Variants in WRAP53 observed in about 807,000 individuals in gnomAD.
WRAP53 encodes the protein WD repeat containing antisense to TP53, also known as telomerase Cajal body protein 1.
WRAP53 carries 28 observed loss-of-function variants against 56.6 expected under a neutral mutation model. The ratio of observed to expected loss-of-function variants is 0.50; its 90% CI spans 0.37 to 0.68. The LOEUF is 0.68. Among genes scored for constraint, WRAP53 ranks in the 30% least tolerant of loss-of-function variants. WRAP53 has a pLI of 0.00. For missense variants in WRAP53, 671 were observed against 715.5 expected (o/e 0.94, Z 0.71); for synonymous variants, 283 against 283.4 (o/e 1.00, Z 0.01).
intron 5 of WRAP53, 149 bp downstream of exon 5, chr17:7,700,978 CTTT>C (rs771498263): frequency 1.1e-4 from 61 of 554,650 alleles, no homozygotes; most frequent in East Asian, 1.7e-4. Flanking sequence ...CCTCCCCTTC[CTTT>C]TTTTTTTTTT....
chr17:7,691,219 A>T (rs2074103333), intron 4 of WRAP53, among the ~76,000 whole-genome samples: 1 of 113,690 alleles, frequency 8.8e-6, no homozygotes, highest in African/African-American at 7.8e-5. Context: ...AAAACAAACA[A>T]ACAAACAAAC....
Position 7,700,887 on chromosome 17 carries a change from CTT to C in WRAP53, c.731+59_731+60del. 3 of 1,320,616 alleles carry C rather than the reference CTT, an allele frequency of 2.3e-6. No homozygotes were observed. The East Asian group carries it at 6.9e-5, about 31-fold the overall frequency. 81.8% of individuals were successfully genotyped at this position (1,320,616 alleles called of 1,614,324 possible). A position where few individuals can be genotyped will look rare whatever the true frequency, so the allele number is the denominator to read the frequency against. ...CACCACCCAGTTTCAAGCAGGGCCT[CTT>C]GGGAGAGTCAAGGGCTGCCAGGGGT... On this transcript the variant is annotated intron_variant, in intron 5 of 10. Transcript: ENST00000396463.
intron 4 of WRAP53, among the ~76,000 whole-genome samples, chr17:7,695,850 C>T (rs1456003422): frequency 6.6e-6 from 1 of 152,218 alleles, no homozygotes; most frequent in African/African-American, 2.4e-5. Context: ...CCCACTGCCT[C>T]TACTTTAATT....
chr17:7,689,412 C>T, intron 3 of WRAP53, 90 bp downstream of exon 3: 4 of 1,415,282 alleles, frequency 2.8e-6, no homozygotes, highest in Non-Finnish European at 4.0e-6. Context: ...TGCCCCAGAG[C>T]TGGGAGAAGC....
At chr17:7,688,470 G>C, upstream of WRAP53, 1 of 677,086 alleles carries the variant, frequency 1.5e-6, no homozygotes, top group Non-Finnish European at 2.5e-6. Flanking sequence ...GCGGTGCTAA[G>C]GAACACAGTG....
chr17:7,699,490 A>ATATATT (rs2074238361), intron 4 of WRAP53, among the ~76,000 whole-genome samples: 1 of 13,090 alleles, frequency 7.6e-5, no homozygotes, highest in Non-Finnish European at 1.2e-4. Context: ...ATATATATAT[A>ATATATT]TATATATATA....
chr17:7,701,888 C>T lies in WRAP53; in HGVS notation c.955+99C>T, dbSNP rs756083017. On this transcript the variant is annotated intron_variant, in intron 7 of 10. Transcript: ENST00000396463. The surrounding 1 kb of genome is among the most constrained non-coding windows in gnomAD (Gnocchi z 4.2). ...GGGGGCCACCTGTGGGGGTTCACGC[C>T]GTCCTCTGTACGGCCCCGGGAGCAG... 14 of 1,535,664 alleles carry T rather than the reference C, an allele frequency of 9.1e-6. No homozygotes were observed. The East Asian group carries it at 1.5e-4, about 16-fold the overall frequency.
In WRAP53 at chr17:7,701,751, C is replaced by T; in HGVS notation, c.917C>T (p.Ala306Val). The T allele has an allele frequency of 6.2e-7, 1 of 1,614,154 alleles. No homozygotes were observed. Among genetic ancestry groups the T allele is most frequent in the East Asian group, 2.2e-5 (1 of 44,888 alleles). Reference sequence around the variant, plus strand: ...CGGACTGTGCGTGTTTTTTCCACGGCCCGGCCTGGCCGAGACTGCGAGGTC... The same window carrying T: ...CGGACTGTGCGTGTTTTTTCCACGGTCCGGCCTGGCCGAGACTGCGAGGTC... The part of the protein sequence containing the change: ...FNRTVRVFST[A>V]RPGRDCEVRA... Residue 306 changes from alanine (A) to valine (V), a missense_variant, in exon 7 of 11, where the codon GCC (alanine) becomes GTC (valine). This residue lies in a region of WRAP53 where 406 missense variants were observed against 418.5 expected (regional missense o/e 0.97). Transcript: ENST00000396463. The surrounding 1 kb of genome is among the most constrained non-coding windows in gnomAD (Gnocchi z 4.2).
chr17:7,690,150 T>C (rs2074089876), intron 4 of WRAP53, among the ~76,000 whole-genome samples: 2 of 152,234 alleles, frequency 1.3e-5, no homozygotes, highest in African/African-American at 4.8e-5. Context: ...GGTTTCGCCA[T>C]GTTGGGCAGG....
intron 4 of WRAP53, among the ~76,000 whole-genome samples, chr17:7,691,980 G>A (rs1023674997): frequency 6.6e-6 from 1 of 151,980 alleles, no homozygotes. Flanking sequence ...GGGATTACAG[G>A]CATGTGCCAC....
chr17:7,690,536 G>A (rs1462530447), intron 4 of WRAP53, among the ~76,000 whole-genome samples: 13 of 152,356 alleles, frequency 8.5e-5, no homozygotes. Context: ...GATCAGTCAT[G>A]TGAAGGCTTC....
upstream of WRAP53, chr17:7,687,179 CA>C (rs1482809059): frequency 2.5e-6 from 1 of 397,368 alleles, no homozygotes; most frequent in African/African-American, 2.1e-5. Context: ...CTAACATCCC[CA>C]TCATCTACAC....
chr17:7,692,903 G>A (rs944123010), intron 4 of WRAP53, among the ~76,000 whole-genome samples: 16 of 151,256 alleles, frequency 1.1e-4, no homozygotes, highest in African/African-American at 3.6e-4. Flanking sequence ...ACAGGCGCCC[G>A]CCACCACGCC....
upstream of WRAP53, chr17:7,686,951 T>C (rs573643732): frequency 5.8e-6 from 1 of 172,352 alleles, no homozygotes; most frequent in South Asian, 2.0e-4. Flanking sequence ...GCCCCAGTTT[T>C]CACTAGGATG....
chr17:7,689,249 C>A lies in WRAP53; in HGVS notation c.457C>A (p.Leu153Met). 1 of 1,614,098 alleles carries A rather than the reference C, an allele frequency of 6.2e-7. No individual in the cohort carries two copies. Among genetic ancestry groups the A allele is most frequent in the Non-Finnish European group, 8.5e-7 (1 of 1,180,034 alleles). Residue 153 changes from leucine to methionine, a missense_variant, in exon 3 of 11, where the codon CTG becomes ATG. Physicochemically the swap from Leu to Met is conservative, Grantham distance 15. Around this residue, in one of 3 missense-constraint regions of WRAP53, gnomAD observed 406 missense variants for 418.5 expected, o/e 0.97. Transcript: ENST00000396463. ...CGCTTGGAACTACAGCTTCTCCCAGCTGCCTCGATTTCTCAGTGGTTCCTG... is the reference window on the plus strand; with the variant it reads ...CGCTTGGAACTACAGCTTCTCCCAGATGCCTCGATTTCTCAGTGGTTCCTG... ...DTAWNYSFSQ[L>M]PRFLSGSWSE...
upstream of WRAP53, chr17:7,688,261 C>T: frequency 4.5e-6 from 1 of 224,374 alleles, no homozygotes; most frequent in Non-Finnish European, 9.0e-6. Context: ...GCGCTTCTCG[C>T]CAAGATAGAA....
intron 4 of WRAP53, among the ~76,000 whole-genome samples, chr17:7,691,839 T>G (rs2074114615): frequency 6.7e-6 from 1 of 149,946 alleles, no homozygotes; most frequent in Non-Finnish European, 1.5e-5. Flanking sequence ...GAGAGGTTTT[T>G]TTTGTTTGTT....
chr17:7,688,975 AAACGGGAGCCTTTCTGAAGAAGAAGCG>A lies in WRAP53; in HGVS notation c.334_360del (p.Ser112_Gly120del). 5 of 1,614,202 alleles carry A rather than the reference AAACGGGAGCCTTTCTGAAGAAGAAGCG, an allele frequency of 3.1e-6. No individual in the cohort carries two copies. The highest frequency in any genetic ancestry group is 3.4e-6 in the Non-Finnish European group (4 of 1,180,040). On this transcript the variant is annotated inframe_deletion, in exon 2 of 11. Transcript: ENST00000396463. ...ATACAAGCCTTCCTGCAGAAGAAGC[AAACGGGAGCCTTTCTGAAGAAGAAGCG>A]AACGGGCCAGAGTTGGGGTCTGGAA...
At chr17:7,695,497 G>A (rs926383831) in intron 4 of WRAP53, among the ~76,000 whole-genome samples, 4 of 152,118 alleles carry the variant, frequency 2.6e-5, no homozygotes, top group African/African-American at 9.7e-5. Context: ...CCCTCTCCAG[G>A]AGACACTTTG....
Sources: allele counts gnomAD v4.1 joint callset (sites outside exome capture counted in the v4.1 genomes callset), GRCh38; gene constraint gnomAD v4.1.1; regional missense constraint gnomAD v4.1.1; non-coding constraint Gnocchi (gnomAD v3.1); transcripts MANE v1.5; gene names NCBI Gene and HGNC (gene_info 2026-07-23, HGNC 2026-07-21).